The following AMIGO3 variants were observed in gnomAD, a reference collection of about 807,000 sequenced individuals.
The protein encoded by AMIGO3 is amphoterin-induced protein 3.
AMIGO3 carries 6 observed loss-of-function variants against 4.3 expected under a neutral mutation model. That is an observed-to-expected ratio of 1.39 (90% CI 0.76 to 2.75). The LOEUF is 2.75. Ranked by LOEUF, AMIGO3 falls within the 30% of genes most tolerant of loss-of-function variation. The pLI is 0.00. For missense variants in AMIGO3, 771 were observed against 692.1 expected (o/e 1.11, Z -1.28); for synonymous variants, 315 against 320.0 (o/e 0.98, Z 0.17).
At position 49,718,212 on chromosome 3, in the gene AMIGO3, G is replaced by GCGGCGGCAGCGGCAGGCA. The variant is rs1210187925; in HGVS notation, c.1236_1253dup (p.Ala413_Arg418dup). On this transcript the variant is annotated inframe_insertion, in exon 1 of 1. Coordinates refer to ENST00000320431, the MANE Select transcript of AMIGO3 (RefSeq NM_198722.3). ...GGAGCGGGCTGGGTGTTTGGGGCCA[G>GCGGCGGCAGCGGCAGGCA]CGGCGGCAGCGGCAGGCACGGCGGC... The GCGGCGGCAGCGGCAGGCA allele has an allele frequency of 5.6e-6, 9 of 1,610,758 alleles. No individual in the cohort carries two copies. In the Middle Eastern group the frequency reaches 5.0e-4, roughly 89 times the overall value.
Position 49,719,144 on chromosome 3 carries a change from CG to C in AMIGO3, c.321del (p.Asn107LysfsTer5), listed in dbSNP as rs1559692103. ...LDALGRGVFV[N>X]ASGLRLLDLS... The stretch of plus-strand genomic sequence containing the variant: ...AGATCGAGCAGCCTCAGGCCGCTGG[CG>C]TTGACGAAGACGCCGCGACCCAGCG... On this transcript the variant is annotated frameshift_variant, in exon 1 of 1. Transcript: ENST00000320431. LOFTEE classifies it low-confidence loss of function (END_TRUNC). The C allele has an allele frequency of 6.2e-7, 1 of 1,613,606 alleles. No individual in the cohort carries two copies. The highest frequency in any genetic ancestry group is 8.5e-7 in the Non-Finnish European group (1 of 1,180,014).
chr3:49,717,551 G>T lies in AMIGO3; in HGVS notation c.*400C>A. The T allele has an allele frequency of 4.1e-6, 1 of 243,558 alleles. No homozygotes were observed. Among genetic ancestry groups the T allele is most frequent in the South Asian group, 5.4e-5 (1 of 18,540 alleles). 15.1% of individuals were successfully genotyped at this position (243,558 alleles called of 1,614,324 possible). A position where few individuals can be genotyped will look rare whatever the true frequency, so the allele number is the denominator to read the frequency against. On this transcript the variant is annotated 3_prime_UTR_variant, in exon 1 of 1. Transcript: ENST00000320431. ...CTCGAGAGCTGTCTCAGCCCCTGAG[G>T]GTGGACGGGAGGCTCTGCTACAGGG...
Position 49,716,947 on chromosome 3 carries a change from C to G in AMIGO3, c.*1004G>C, listed in dbSNP as rs1412935430. ...CCCCCACACATGAAGGGCTCCCAGA[C>G]CCCCCTTCCCTGCCCCCCTGCAGTG... On this transcript the variant is annotated 3_prime_UTR_variant, in exon 1 of 1. Transcript: ENST00000320431. 3.1e-5 allele frequency: 5 copies of G among 160,162 alleles called. No homozygotes were observed. In the East Asian group the frequency reaches 7.4e-4, roughly 24 times the overall value. The allele number at this position is 160,162 out of a possible 1,614,324, so 9.9% of individuals were successfully genotyped here. A position where few individuals can be genotyped will look rare whatever the true frequency, so the allele number is the denominator to read the frequency against.
In AMIGO3 at chr3:49,718,498, C is replaced by A. The variant is rs981834081; in HGVS notation, c.968G>T (p.Gly323Val). 3.7e-6 allele frequency: 6 copies of A among 1,613,026 alleles called. No homozygotes were observed. The highest frequency in any genetic ancestry group is 1.3e-5 in the African/African-American group (1 of 74,948). Residue 323 changes from glycine (G) to valine (V), a missense_variant, in exon 1 of 1, where the codon GGA becomes GTA. By Grantham distance (109) the Gly-to-Val change is moderately radical. Coordinates refer to ENST00000320431, the MANE Select transcript of AMIGO3 (RefSeq NM_198722.3). ...SPQQELLRAP[G>V]SRDGSIAVLA... is the part of the protein sequence containing the mutation. ...CACCGCGATGCTGCCATCGCGGGAT[C>A]CTGGCGCCCTGAGAAGCTCCTGCTG...
rs780219124 is a variant in AMIGO3, at chr3:49,718,899, G to A, written c.567C>T (p.Asp189=). The A allele has an allele frequency of 5.0e-6, 8 of 1,613,610 alleles. No homozygotes were observed. The East Asian group carries it at 8.9e-5, about 18-fold the overall frequency. Residue 189 remains aspartate, a synonymous_variant, in exon 1 of 1, where the codon GAC becomes GAT. Transcript: ENST00000320431. ...GLSATHLLTL[D]LSSNRLGHIS... is the part of the protein sequence containing the mutation. ...TGTGTCCCAGCCGGTTGGAGGAGAG[G>A]TCCAGAGTAAGCAGGTGGGTGGCGC...
chr3:49,719,188 T>C lies in AMIGO3; in HGVS notation c.278A>G (p.Asp93Gly), dbSNP rs2080327726. The C allele has an allele frequency of 6.2e-7, 1 of 1,613,400 alleles. No individual in the cohort carries two copies. The highest frequency in any genetic ancestry group is 8.5e-7 in the Non-Finnish European group (1 of 1,179,940). ...ACCCAGCGCATCTAGTTCGTTGTGG[T>C]CTAGGTGCAGGGCGCGCAGCTGGAA... ...PLFQLRALHL[D>G]HNELDALGRG... The change falls in exon 1 of 1, where the codon GAC becomes GGC. Residue 93 changes from aspartate to glycine, a missense_variant. Asp to Gly is a moderately conservative substitution (Grantham distance 94, BLOSUM62 -1). Coordinates refer to ENST00000320431, the MANE Select transcript of AMIGO3 (RefSeq NM_198722.3).
chr3:49,719,288 G>A lies in AMIGO3; in HGVS notation c.178C>T (p.Pro60Ser), dbSNP rs2080332002. The A allele has an allele frequency of 6.2e-7, 1 of 1,613,154 alleles. No individual in the cohort carries two copies. Among genetic ancestry groups the A allele is most frequent in the Non-Finnish European group, 8.5e-7 (1 of 1,179,986 alleles). The part of the protein sequence containing the change: ...LGLQDVPAEL[P>S]AATADLDLSH... ...AGGTCGAGGTCCGCAGTAGCGGCAG[G>A]TAACTCGGCTGGCACGTCCTGCAGC... Residue 60 changes from proline (P) to serine (S), a missense_variant, in exon 1 of 1, where the codon CCT becomes TCT. Physicochemically the swap from Pro to Ser is moderately conservative, Grantham distance 74. Coordinates refer to ENST00000320431, the MANE Select transcript of AMIGO3 (RefSeq NM_198722.3).
In AMIGO3 at chr3:49,718,217, GGCAGCGGCAGGCACGGCGGCA is replaced by G. The variant is rs750297345; in HGVS notation, c.1228_1248del (p.Cys410_Cys416del). 30 of 1,610,462 alleles carry G rather than the reference GGCAGCGGCAGGCACGGCGGCA, an allele frequency of 1.9e-5. No homozygotes were observed. Among genetic ancestry groups the G allele is most frequent in the Admixed American group, 6.7e-5 (4 of 59,942 alleles). ...GGGCTGGGTGTTTGGGGCCAGCGGC[GGCAGCGGCAGGCACGGCGGCA>G]GCAGCGGCAGGGTGGGGCGAACAGG... On this transcript the variant is annotated inframe_deletion, in exon 1 of 1. Coordinates refer to ENST00000320431, the MANE Select transcript of AMIGO3 (RefSeq NM_198722.3).
Position 49,718,211 on chromosome 3 carries a change from A to AGCGGCG in AMIGO3, c.1249_1254dup (p.Arg417_Arg418dup). 1.2e-6 allele frequency: 2 copies of AGCGGCG among 1,610,728 alleles called. No individual in the cohort carries two copies. The highest frequency in any genetic ancestry group is 1.7e-6 in the Non-Finnish European group (2 of 1,179,540). ...TGGAGCGGGCTGGGTGTTTGGGGCC[A>AGCGGCG]GCGGCGGCAGCGGCAGGCACGGCGG... On this transcript the variant is annotated inframe_insertion, in exon 1 of 1. Transcript: ENST00000320431.
In AMIGO3 at chr3:49,718,231, C is replaced by A. The variant is rs777552578; in HGVS notation, c.1235G>T (p.Arg412Leu). The A allele has an allele frequency of 6.2e-5, 100 of 1,611,770 alleles. No homozygotes were observed. The East Asian group carries it at 2.0e-3, about 32-fold the overall frequency. Residue 412 changes from arginine to leucine, a missense_variant, in exon 1 of 1, where the codon CGT (arginine) becomes CTT (leucine). Transcript: ENST00000320431. Reference protein sequence around the residue: ...LFAPPCRCCRRACRCRRWPQT... With the variant: ...LFAPPCRCCRLACRCRRWPQT... ...GGGCCAGCGGCGGCAGCGGCAGGCA[C>A]GGCGGCAGCAGCGGCAGGGTGGGGC...
rs1575288440 is a variant in AMIGO3, at chr3:49,719,637, C to T, written c.-172G>A. On this transcript the variant is annotated 5_prime_UTR_variant, in exon 1 of 1. Coordinates refer to ENST00000320431, the MANE Select transcript of AMIGO3 (RefSeq NM_198722.3). The stretch of plus-strand genomic sequence containing the variant: ...ACTCTCCGGTTCCCAGGTTGTGAGG[C>T]GGTGCGGCACTCTTAGCCGCGCTCC... 3 of 604,230 alleles carry T rather than the reference C, an allele frequency of 5.0e-6. No homozygotes were observed. The highest frequency in any genetic ancestry group is 6.0e-5 in the East Asian group (2 of 33,202). 37.4% of individuals were successfully genotyped at this position (604,230 alleles called of 1,614,324 possible). A position where few individuals can be genotyped will look rare whatever the true frequency, so the allele number is the denominator to read the frequency against.
At position 49,718,896 on chromosome 3, in the gene AMIGO3, G is replaced by A; in HGVS notation, c.570C>T (p.Leu190=). Residue 190 remains leucine (L), a synonymous_variant, in exon 1 of 1, where the codon CTC becomes CTT. Transcript: ENST00000320431. ...LSATHLLTLD[L]SSNRLGHISV... ...AGATGTGTCCCAGCCGGTTGGAGGA[G>A]AGGTCCAGAGTAAGCAGGTGGGTGG... is the stretch of plus-strand genomic sequence containing the variant. 1 of 1,613,724 alleles carries A rather than the reference G, an allele frequency of 6.2e-7. No homozygotes were observed. Among genetic ancestry groups the A allele is most frequent in the Non-Finnish European group, 8.5e-7 (1 of 1,180,044 alleles).
At position 49,718,105 on chromosome 3, in the gene AMIGO3, A is replaced by G. The variant is rs1279956840; in HGVS notation, c.1361T>C (p.Val454Ala). The G allele has an allele frequency of 1.2e-6, 2 of 1,613,576 alleles. No homozygotes were observed. The highest frequency in any genetic ancestry group is 2.2e-5 in the East Asian group (1 of 44,884). The change falls in exon 1 of 1, where the codon GTA becomes GCA. Residue 454 changes from valine (V) to alanine (A), a missense_variant. By Grantham distance (64) the Val-to-Ala change is moderately conservative. Transcript: ENST00000320431. ...CCTCCGGCCTGGCTCCAGAAAGACT[A>G]CGTGCTTGTGGACGCTGGCCTTGCG... is the stretch of plus-strand genomic sequence containing the variant. ...PSRKASVHKH[V>A]VFLEPGRRGL... is the part of the protein sequence containing the mutation.
In AMIGO3 at chr3:49,719,200, G is replaced by A. The variant is rs1360975786; in HGVS notation, c.266C>T (p.Ala89Val). The A allele has an allele frequency of 1.2e-6, 2 of 1,613,194 alleles. No homozygotes were observed. Among genetic ancestry groups the A allele is most frequent in the African/African-American group, 2.7e-5 (2 of 74,932 alleles). ...GWLAPLFQLR[A>V]LHLDHNELDA... Reference sequence around the variant, plus strand: ...TAGTTCGTTGTGGTCTAGGTGCAGGGCGCGCAGCTGGAAGAGGGGCGCCAA... The same window carrying A: ...TAGTTCGTTGTGGTCTAGGTGCAGGACGCGCAGCTGGAAGAGGGGCGCCAA... The change falls in exon 1 of 1, where the codon GCC (alanine) becomes GTC (valine). Residue 89 changes from alanine (A) to valine (V), a missense_variant. By Grantham distance (64) the Ala-to-Val change is moderately conservative. Coordinates refer to ENST00000320431, the MANE Select transcript of AMIGO3 (RefSeq NM_198722.3).
chr3:49,718,503 C>T lies in AMIGO3; in HGVS notation c.963G>A (p.Ala321=), dbSNP rs768952020. 1.9e-6 allele frequency: 3 copies of T among 1,613,110 alleles called. No homozygotes were observed. The highest frequency in any genetic ancestry group is 2.5e-6 in the Non-Finnish European group (3 of 1,179,940). ...CGATGCTGCCATCGCGGGATCCTGG[C>T]GCCCTGAGAAGCTCCTGCTGCGGCG... is the stretch of plus-strand genomic sequence containing the variant. ...WVSPQQELLR[A]PGSRDGSIAV... is the part of the protein sequence containing the mutation. The change falls in exon 1 of 1, where the codon GCG becomes GCA. Residue 321 remains alanine (A), a synonymous_variant. Coordinates refer to ENST00000320431, the MANE Select transcript of AMIGO3 (RefSeq NM_198722.3).
chr3:49,718,081 C>G lies in AMIGO3; in HGVS notation c.1385G>C (p.Arg462Thr), dbSNP rs766967221. ...CAGCTGCACGCGGCCATTGAGGCCC[C>G]TCCGGCCTGGCTCCAGAAAGACTAC... The part of the protein sequence containing the change: ...KHVVFLEPGR[R>T]GLNGRVQLAV... The change falls in exon 1 of 1, where the codon AGG becomes ACG. Residue 462 changes from arginine to threonine, a missense_variant. Transcript: ENST00000320431. 1.2e-6 allele frequency: 2 copies of G among 1,613,600 alleles called. No individual in the cohort carries two copies. The highest frequency in any genetic ancestry group is 2.2e-5 in the South Asian group (2 of 91,088).
In AMIGO3 at chr3:49,718,617, C is replaced by T. The variant is rs1415680955; in HGVS notation, c.849G>A (p.Arg283=). Residue 283 remains arginine (R), a synonymous_variant, in exon 1 of 1, where the codon CGG becomes CGA. Coordinates refer to ENST00000320431, the MANE Select transcript of AMIGO3 (RefSeq NM_198722.3). ...CSSAPALGLE[R]PEEHLYALVG... ...CCAGCGCGTACAGGTGCTCTTCCGG[C>T]CGCTCTAGGCCAAGAGCTGGGGCCG... 6.2e-7 allele frequency: 1 copy of T among 1,612,994 alleles called. No individual in the cohort carries two copies. Among genetic ancestry groups the T allele is most frequent in the Non-Finnish European group, 8.5e-7 (1 of 1,179,944 alleles).
rs2080331125 is a variant in AMIGO3 at position 49,719,271 on chromosome 3, G to A, written c.195C>T (p.Asp65=). ...VPAELPAATA[D]LDLSHNALQR... ...GGAGCGCGTTGTGGCTCAGGTCGAGGTCCGCAGTAGCGGCAGGTAACTCGG... is the reference window on the plus strand; with the variant it reads ...GGAGCGCGTTGTGGCTCAGGTCGAGATCCGCAGTAGCGGCAGGTAACTCGG... The change falls in exon 1 of 1, where the codon GAC becomes GAT. Residue 65 remains aspartate (D), a synonymous_variant. Coordinates refer to ENST00000320431, the MANE Select transcript of AMIGO3 (RefSeq NM_198722.3). 1.9e-6 allele frequency: 3 copies of A among 1,613,444 alleles called. No individual in the cohort carries two copies. In the East Asian group the frequency reaches 6.7e-5, roughly 36 times the overall value.
At position 49,719,572 on chromosome 3, in the gene AMIGO3, C is replaced by T; in HGVS notation, c.-107G>A. The T allele has an allele frequency of 2.0e-6, 2 of 1,007,064 alleles. No individual in the cohort carries two copies. Among genetic ancestry groups the T allele is most frequent in the Non-Finnish European group, 2.9e-6 (2 of 685,188 alleles). The allele number at this position is 1,007,064 out of a possible 1,614,324, so 62.4% of individuals were successfully genotyped here. A position where few individuals can be genotyped will look rare whatever the true frequency, so the allele number is the denominator to read the frequency against. ...CATGGGTGGCACCGGATGGCCCTTG[C>T]CGAGGAGGCACGGCGGGTTCTTGCC... On this transcript the variant is annotated 5_prime_UTR_variant, in exon 1 of 1. Transcript: ENST00000320431.
Sources: allele counts gnomAD v4.1 joint callset, GRCh38; gene constraint gnomAD v4.1.1; transcripts MANE v1.5; gene names NCBI Gene and HGNC (gene_info 2026-07-23, HGNC 2026-07-21).